MALAT1: variants seen among roughly 807,000 people sequenced by gnomAD.
The protein encoded by MALAT1 is metastasis associated lung adenocarcinoma transcript 1.
exon 3 of MALAT1, chr11:65,499,626 A>T (rs1356704544): frequency 2.2e-6 from 1 of 445,174 alleles, no homozygotes; most frequent in Non-Finnish European, 4.5e-6. Flanking sequence ...GAGTGGTAGG[A>T]TGAAACAATT....
chr11:65,501,884 C>G (rs200853587), exon 3 of MALAT1: 71 of 516,968 alleles, frequency 1.4e-4, no homozygotes, highest in Admixed American at 1.2e-4. Context: ...TGGCCTGTTA[C>G]GGTTGGGATT....
intron 3 of MALAT1, chr11:65,504,098 G>T (rs543570610): frequency 5.8e-6 from 3 of 517,418 alleles, no homozygotes; most frequent in South Asian, 1.4e-5. Flanking sequence ...AAGGGAGGGG[G>T]TGCCTGTGGG....
exon 1 of MALAT1, chr11:65,497,814 C>T (rs781561957): frequency 7.8e-6 from 4 of 510,340 alleles, no homozygotes; most frequent in Admixed American, 6.0e-5. Flanking sequence ...AAGCGCAGCG[C>T]CATTTTAGCA....
exon 3 of MALAT1, chr11:65,500,027 C>T (rs950712234): frequency 2.3e-6 from 1 of 426,704 alleles, no homozygotes; most frequent in Non-Finnish European, 4.6e-6. Context: ...TTTTAAAAGC[C>T]CATCAATTTA....
chr11:65,503,849 TC>T lies in MALAT1; in HGVS notation n.5114del, dbSNP rs771437547. Reference sequence around the variant, plus strand: ...CATAAAGTGATGAGCATATAATAATTCCAGGCACATGGCAATAGAGGCCCTC... The same window carrying T: ...CATAAAGTGATGAGCATATAATAATTCAGGCACATGGCAATAGAGGCCCTC... On this transcript the variant is annotated non_coding_transcript_exon_variant, in exon 3 of 4. Transcript: ENST00000619449. 72 of 518,334 alleles carry T rather than the reference TC, an allele frequency of 1.4e-4. 1 individual carries two copies. The highest frequency in any genetic ancestry group is 9.8e-4 in the South Asian group (70 of 71,462). The allele number at this position is 518,334 out of a possible 1,614,324, so 32.1% of individuals were successfully genotyped here.
chr11:65,503,389 C>G, exon 3 of MALAT1: 1 of 517,884 alleles, frequency 1.9e-6, no homozygotes, highest in South Asian at 1.4e-5. Context: ...TGGGATAGTA[C>G]ACTTCACTCA....
chr11:65,504,203 T>TC, intron 3 of MALAT1: 2 of 518,024 alleles, frequency 3.9e-6, no homozygotes, highest in South Asian at 2.8e-5. Context: ...TTCCTTCTGT[T>TC]CTAGTGAGTG....
At chr11:65,500,674 A>C (rs778052335) in exon 3 of MALAT1, 1 of 518,980 alleles carries the variant, frequency 1.9e-6, no homozygotes, top group East Asian at 5.4e-5. Flanking sequence ...TGGCTTGGCA[A>C]CCACACGGAG....
At chr11:65,503,416 T>C (rs776188206) in exon 3 of MALAT1, 24 of 515,676 alleles carry the variant, frequency 4.7e-5, no homozygotes, top group Admixed American at 3.3e-4. Flanking sequence ...TTTGCATCTT[T>C]AAATAATTTC....
intron 3 of MALAT1, chr11:65,504,368 T>C: frequency 3.9e-6 from 2 of 518,572 alleles, no homozygotes; most frequent in Non-Finnish European, 3.9e-6. Context: ...GGTCTGTCTG[T>C]TCTGTTGGCA....
chr11:65,506,186 A>G (rs747799213), intron 3 of MALAT1: 5 of 433,336 alleles, frequency 1.2e-5, no homozygotes, highest in Non-Finnish European at 1.8e-5. Flanking sequence ...TGCTTTGACT[A>G]CTAATCTGTC....
At chr11:65,497,748 A>G in exon 1 of MALAT1, 1 of 390,322 alleles carries the variant, frequency 2.6e-6, no homozygotes, top group Non-Finnish European at 5.1e-6. Flanking sequence ...CGCAGCCTGC[A>G]GCCCGAGACT....
chr11:65,497,844 G>A (rs911720050), exon 1 of MALAT1: 1 of 515,580 alleles, frequency 1.9e-6, no homozygotes, highest in South Asian at 1.4e-5. Flanking sequence ...CCCGGCGCCG[G>A]GAAGCCTCAG....
chr11:65,505,143 G>A, intron 3 of MALAT1: 1 of 519,012 alleles, frequency 1.9e-6, no homozygotes, highest in South Asian at 1.4e-5. Context: ...GCGTGGGGGT[G>A]GAGGGGTGAG....
intron 3 of MALAT1, chr11:65,504,081 T>C (rs758354289): frequency 1.9e-5 from 10 of 517,936 alleles, no homozygotes; most frequent in Non-Finnish European, 2.7e-5. Flanking sequence ...ATTGACCTTA[T>C]ATAGGGAAGG....
At chr11:65,502,251 A>G (rs760227689) in exon 3 of MALAT1, 11 of 518,724 alleles carry the variant, frequency 2.1e-5, no homozygotes, top group South Asian at 1.4e-4. Context: ...AGTTGTTTGG[A>G]TATGGTAGTG....
At chr11:65,502,716 G>A (rs373071980) in exon 3 of MALAT1, 91 of 512,000 alleles carry the variant, frequency 1.8e-4, no homozygotes, top group Middle Eastern at 1.3e-3. Context: ...CAGCTCCTTG[G>A]TGAATTGATA....
At chr11:65,504,810 T>C (rs766897654) in intron 3 of MALAT1, 5 of 519,016 alleles carry the variant, frequency 9.6e-6, no homozygotes, top group Admixed American at 7.8e-5. Context: ...GTCTTAATTC[T>C]TACATGCAGG....
chr11:65,498,175 C>T, intron 1 of MALAT1: 2 of 518,948 alleles, frequency 3.9e-6, no homozygotes, highest in African/African-American at 1.9e-5. Flanking sequence ...CCCTGACTGG[C>T]TGCCCAAGGT....
Sources: gnomAD v4.1 joint callset for allele counts on GRCh38, gnomAD v4.1.1 for gene constraint, MANE v1.5 for transcripts, NCBI Gene and HGNC (gene_info 2026-07-23, HGNC 2026-07-21) for gene names.